Variants in SLC45A4 observed in about 807,000 individuals in gnomAD.
SLC45A4 encodes the protein solute carrier family 45 member 4, also known as polyamine-transporter SLC45A4.
Under a neutral mutation model 63.7 loss-of-function variants are expected in SLC45A4, and 32 were observed. The ratio of observed to expected loss-of-function variants is 0.50; its 90% confidence interval spans 0.38 to 0.67. SLC45A4 has a LOEUF of 0.67. SLC45A4 is among the 30% of genes least tolerant of loss of function. SLC45A4 has a pLI of 0.00. For missense variants in SLC45A4, 1,027 were observed against 1,157.7 expected (o/e 0.89, Z 1.64); for synonymous variants, 535 against 510.0 (o/e 1.05, Z -0.66).
intron 1 of SLC45A4, among the ~76,000 whole-genome samples, chr8:141,277,765 G>C (rs1438938839): frequency 6.6e-6 from 1 of 151,882 alleles, no homozygotes; most frequent in Non-Finnish European, 1.5e-5. Context: ...TCAGCCTCCA[G>C]AGTAGCTGGG....
In SLC45A4 at chr8:141,233,365, C is replaced by G. The variant is rs978152103; in HGVS notation, c.242-11600G>C. Among the ~76,000 whole-genome samples the G allele has an allele frequency of 7.2e-5, 11 of 152,226 alleles. No individual in the cohort carries two copies. The South Asian group carries it at 2.3e-3, about 32-fold the overall frequency. ...ACTGATGGTTACTATTGCAGTTTAT[C>G]AATAAAGATCTTGGGTATTTAAAAA... is the stretch of plus-strand genomic sequence containing the variant. On this transcript the variant is annotated intron_variant, in intron 2 of 8. Coordinates refer to ENST00000517878, the MANE Select transcript of SLC45A4 (RefSeq NM_001286646.2).
intron 2 of SLC45A4, among the ~76,000 whole-genome samples, chr8:141,244,444 C>T (rs1828069585): frequency 6.6e-6 from 1 of 152,200 alleles, no homozygotes; most frequent in African/African-American, 2.4e-5. Context: ...AGTCTTTGTT[C>T]CACACTGGGC....
chr8:141,211,909 AAG>A, intron 8 of SLC45A4: 2 of 1,247,934 alleles, frequency 1.6e-6, no homozygotes, highest in Non-Finnish European at 2.0e-6. Context: ...TGCAGAATAA[AAG>A]AGCTGAAATT....
chr8:141,247,206 CTAAG>C (rs747142002), intron 2 of SLC45A4, among the ~76,000 whole-genome samples: 1 of 152,180 alleles, frequency 6.6e-6, no homozygotes, highest in Admixed American at 6.5e-5. Flanking sequence ...ACTGGAACTA[CTAAG>C]TGAGTTTGGC....
At chr8:141,302,246 A>G (rs546074592) in intron 1 of SLC45A4, among the ~76,000 whole-genome samples, 3 of 152,146 alleles carry the variant, frequency 2.0e-5, no homozygotes, top group Non-Finnish European at 4.4e-5. Flanking sequence ...ATGTGTCTAT[A>G]GTTTTTCAAA....
intron 1 of SLC45A4, among the ~76,000 whole-genome samples, chr8:141,284,095 A>G (rs1830055468): frequency 6.6e-6 from 1 of 152,190 alleles, no homozygotes; most frequent in Non-Finnish European, 1.5e-5. Context: ...AATTTGCTTA[A>G]TGACTCAGTG....
At chr8:141,285,373 G>A (rs1191245241) in intron 1 of SLC45A4, among the ~76,000 whole-genome samples, 7 of 152,226 alleles carry the variant, frequency 4.6e-5, no homozygotes, top group Non-Finnish European at 1.0e-4. Context: ...TGGTTCCCCC[G>A]TGTGCTCCCC....
intron 4 of SLC45A4, 32 bp from the exon 5 acceptor site, chr8:141,219,061 G>A (rs757551496): frequency 3.3e-5 from 53 of 1,587,352 alleles, no homozygotes; most frequent in South Asian, 2.7e-4. Context: ...CCGGTGAGCC[G>A]GTGGCACCAG....
At chr8:141,281,735 C>T (rs1829955216) in intron 1 of SLC45A4, among the ~76,000 whole-genome samples, 1 of 152,134 alleles carries the variant, frequency 6.6e-6, no homozygotes, top group Non-Finnish European at 1.5e-5. Flanking sequence ...ATTTTTGTTT[C>T]AATGGCTCAA....
rs547714475 is a variant in SLC45A4 at position 141,218,439 on chromosome 8, C to A, written c.1201G>T (p.Val401Leu). The A allele has an allele frequency of 6.2e-7, 1 of 1,612,480 alleles. No homozygotes were observed. Among genetic ancestry groups the A allele is most frequent in the South Asian group, 1.1e-5 (1 of 91,086 alleles). ...TKDALGGYTR[V>L]DTKPSATSSS... ...GACGTGGCCGAGGGCTTCGTGTCCA[C>A]CCTGGTGTAGCCGCCGAGGGCGTCT... is the stretch of plus-strand genomic sequence containing the variant. Residue 401 changes from valine to leucine, a missense_variant, in exon 5 of 9, where the codon GTG becomes TTG. Physicochemically the swap from Val to Leu is conservative, Grantham distance 32. Transcript: ENST00000517878.
At chr8:141,272,685 A>G in intron 1 of SLC45A4, among the ~76,000 whole-genome samples, 1 of 151,684 alleles carries the variant, frequency 6.6e-6, no homozygotes, top group East Asian at 1.9e-4. Context: ...CTCCTGCTAT[A>G]CCCTCTGCCC....
intron 1 of SLC45A4, among the ~76,000 whole-genome samples, chr8:141,275,866 T>C (rs1185661392): frequency 6.6e-6 from 1 of 152,120 alleles, no homozygotes; most frequent in East Asian, 1.9e-4. Flanking sequence ...AAAGGTGTTA[T>C]TTACGCATGT....
At chr8:141,294,337 C>A (rs560817348) in intron 1 of SLC45A4, among the ~76,000 whole-genome samples, 1 of 152,240 alleles carries the variant, frequency 6.6e-6, no homozygotes, top group African/African-American at 2.4e-5. Flanking sequence ...GGGACCAGTG[C>A]GTGCAGAGGG....
At chr8:141,241,076 T>C (rs892191000) in intron 2 of SLC45A4, among the ~76,000 whole-genome samples, 1 of 152,248 alleles carries the variant, frequency 6.6e-6, no homozygotes, top group Non-Finnish European at 1.5e-5. Context: ...TCTCATCTCC[T>C]TTATGGGACT....
At chr8:141,228,135 G>A (rs1447915759) in intron 2 of SLC45A4, 2 of 1,612,588 alleles carry the variant, frequency 1.2e-6, no homozygotes, top group African/African-American at 1.3e-5. Flanking sequence ...TTTAGATGGA[G>A]TGATCTGGGT....
chr8:141,303,145 G>A (rs1830798989), intron 1 of SLC45A4, among the ~76,000 whole-genome samples: 1 of 151,716 alleles, frequency 6.6e-6, no homozygotes, highest in Admixed American at 6.6e-5. Flanking sequence ...CCACTGATGT[G>A]AGACACCGCA....
chr8:141,286,358 T>G (rs1200298029), intron 1 of SLC45A4, among the ~76,000 whole-genome samples: 1 of 152,114 alleles, frequency 6.6e-6, no homozygotes, highest in East Asian at 1.9e-4. Context: ...CTCAGGAAAC[T>G]CAGTCCGAGA....
At chr8:141,307,527 G>A (rs1830935056) in intron 1 of SLC45A4, among the ~76,000 whole-genome samples, 1 of 147,176 alleles carries the variant, frequency 6.8e-6, no homozygotes, top group South Asian at 2.1e-4. Flanking sequence ...AGGAGGGGAA[G>A]AAGGGAAGGG....
intron 1 of SLC45A4, among the ~76,000 whole-genome samples, chr8:141,280,145 C>G (rs921849361): frequency 1.3e-5 from 2 of 152,216 alleles, no homozygotes; most frequent in African/African-American, 4.8e-5. Context: ...CATGCAGCCC[C>G]CTGCGAGCTG....
Sources: gnomAD v4.1 joint callset for allele counts (sites outside exome capture counted in the v4.1 genomes callset) on GRCh38, gnomAD v4.1.1 for gene constraint, MANE v1.5 for transcripts, NCBI Gene and HGNC (gene_info 2026-07-23, HGNC 2026-07-21) for gene names.